NHSL1: variants seen among roughly 807,000 people sequenced by gnomAD.
NHSL1 encodes the protein NHS like 1.
NHSL1 carries 48 observed loss-of-function variants against 95.0 expected under a neutral mutation model. The ratio of observed to expected loss-of-function variants is 0.51; its 90% CI spans 0.40 to 0.64. NHSL1 has a LOEUF of 0.64. Ranked by LOEUF, NHSL1 falls within the 30% of genes least tolerant of loss-of-function variation. NHSL1 has a pLI of 0.00. For synonymous variants in NHSL1, 783 were observed against 833.9 expected, an observed-to-expected ratio of 0.94 and a Z score of 1.05; for missense variants, 1,971 against 2,077.7, an observed-to-expected ratio of 0.95 and a Z score of 1.00.
intron 1 of NHSL1, among the ~76,000 whole-genome samples, chr6:138,634,267 T>C (rs181486604): frequency 1.3e-5 from 2 of 151,198 alleles, no homozygotes; most frequent in East Asian, 1.9e-4. Context: ...CAGAGAGCAG[T>C]TGAATGGATA....
intron 5 of NHSL1, among the ~76,000 whole-genome samples, chr6:138,441,178 G>C (rs974218746): frequency 3.3e-5 from 5 of 152,196 alleles, no homozygotes; most frequent in African/African-American, 9.7e-5. Context: ...GTCACCCAGA[G>C]AGCAAGTGGC....
chr6:138,675,523 CATTATTTATTTATTTATTT>C (rs765748346), intron 1 of NHSL1, among the ~76,000 whole-genome samples: 5 of 151,960 alleles, frequency 3.3e-5, no homozygotes, highest in Non-Finnish European at 7.4e-5. Flanking sequence ...AAAATTCTTA[CATTATTTATTTATTTATTT>C]ATTTATTTTT....
At position 138,433,180 on chromosome 6, in the gene NHSL1, G is replaced by C; in HGVS notation, c.1165C>G (p.His389Asp). 6.4e-7 allele frequency: 1 copy of C among 1,551,188 alleles called. No homozygotes were observed. Among genetic ancestry groups the C allele is most frequent in the Non-Finnish European group, 8.7e-7 (1 of 1,146,664 alleles). ...LLRPKSQELRHFESENIMSPA... is the reference protein window; with the variant it reads ...LLRPKSQELRDFESENIMSPA... ...CTCATTATATTTTCACTCTCGAAGTGTCTCAACTCCTGGGATTTGGGTCTC... is the reference window on the plus strand; with the variant it reads ...CTCATTATATTTTCACTCTCGAAGTCTCTCAACTCCTGGGATTTGGGTCTC... Residue 389 changes from histidine to aspartate, a missense_variant, in exon 6 of 8, where the codon CAC becomes GAC. His to Asp is a moderately conservative substitution (Grantham distance 81). Around this residue, in one of 3 missense-constraint regions of NHSL1, gnomAD observed 1,602 missense variants for 1,654.5 expected, o/e 0.97. Transcript: ENST00000343505.
At position 138,431,420 on chromosome 6, in the gene NHSL1, C is replaced by A; in HGVS notation, c.2925G>T (p.Pro975=). Residue 975 remains proline (P), a synonymous_variant, in exon 6 of 8, where the codon CCG becomes CCT. Transcript: ENST00000343505. The surrounding 1 kb of genome is among the most constrained non-coding windows in gnomAD (Gnocchi z 4.0). The part of the protein sequence containing the change: ...LPHSPVFPPP[P]PEALIPFCSP... Reference sequence around the variant, plus strand: ...AGCAGAAAGGAATGAGAGCTTCTGGCGGCGGAGGGGGGAACACAGGAGAGT... The same window carrying A: ...AGCAGAAAGGAATGAGAGCTTCTGGAGGCGGAGGGGGGAACACAGGAGAGT... The A allele has an allele frequency of 1.3e-6, 2 of 1,547,604 alleles. No homozygotes were observed. Among genetic ancestry groups the A allele is most frequent in the Admixed American group, 2.0e-5 (1 of 50,662 alleles).
intron 1 of NHSL1, among the ~76,000 whole-genome samples, chr6:138,558,625 T>C (rs546345190): frequency 5.3e-5 from 8 of 151,922 alleles, no homozygotes; most frequent in African/African-American, 1.9e-4. Context: ...GGTTTCACCA[T>C]GTTCAGGACG....
upstream of NHSL1, among the ~76,000 whole-genome samples, chr6:138,550,559 G>C (rs1195561749): frequency 1.3e-5 from 2 of 152,198 alleles, no homozygotes; most frequent in Non-Finnish European, 1.5e-5. Flanking sequence ...ACAACATCCA[G>C]CATCATGTTA....
chr6:138,496,435 A>G, intron 1 of NHSL1, 64 bp from the exon 2 acceptor site: 2 of 1,496,960 alleles, frequency 1.3e-6, no homozygotes, highest in Non-Finnish European at 1.8e-6. Flanking sequence ...TCATTACATC[A>G]TGATGTGTTT....
chr6:138,639,895 T>C (rs1013387620), intron 1 of NHSL1, among the ~76,000 whole-genome samples: 1 of 151,372 alleles, frequency 6.6e-6, no homozygotes, highest in African/African-American at 2.4e-5. Context: ...GCTTTTTTTT[T>C]TTTTTTACAA....
chr6:138,665,646 A>C (rs531589985), intron 1 of NHSL1, among the ~76,000 whole-genome samples: 1 of 152,304 alleles, frequency 6.6e-6, no homozygotes, highest in South Asian at 2.1e-4. Flanking sequence ...CCAAATTATT[A>C]ATACTAATTC....
At chr6:138,527,345 G>A (rs1042863143) in intron 1 of NHSL1, among the ~76,000 whole-genome samples, 2 of 151,862 alleles carry the variant, frequency 1.3e-5, no homozygotes, top group Non-Finnish European at 2.9e-5. Context: ...TGCAGTCTGG[G>A]AATCTAAAAG....
intron 1 of NHSL1, among the ~76,000 whole-genome samples, chr6:138,517,660 A>G (rs1231783708): frequency 6.6e-6 from 1 of 152,228 alleles, no homozygotes; most frequent in Non-Finnish European, 1.5e-5. Context: ...AGAGATATTA[A>G]GGAGTTCTCA....
chr6:138,637,199 G>C (rs1245983928), intron 1 of NHSL1, among the ~76,000 whole-genome samples: 1 of 152,086 alleles, frequency 6.6e-6, no homozygotes, highest in East Asian at 1.9e-4. Context: ...TCCATAGGCA[G>C]AATAATGAAA....
intron 1 of NHSL1, among the ~76,000 whole-genome samples, chr6:138,522,674 G>A (rs1182667543): frequency 6.6e-6 from 1 of 152,174 alleles, no homozygotes; most frequent in East Asian, 1.9e-4. Flanking sequence ...TTACTCAGGT[G>A]TGGTGGCGCA....
chr6:138,495,810 C>T (rs186887994), intron 2 of NHSL1, among the ~76,000 whole-genome samples: 16 of 152,200 alleles, frequency 1.1e-4, no homozygotes, highest in Admixed American at 7.8e-4. Context: ...CTGGGGAGGC[C>T]GCACAATCAT....
chr6:138,682,659 C>T (rs1447425585), intron 1 of NHSL1, among the ~76,000 whole-genome samples: 1 of 88,412 alleles, frequency 1.1e-5, no homozygotes, highest in African/African-American at 5.7e-5. Context: ...GGATGAATGT[C>T]CTGCCGCCCT....
At chr6:138,499,531 G>C, upstream of NHSL1, 4 of 790,062 alleles carry the variant, frequency 5.1e-6, no homozygotes, top group South Asian at 9.8e-5. Context: ...TTAAGGCTGA[G>C]AGCAGCCAGT....
intron 1 of NHSL1, among the ~76,000 whole-genome samples, chr6:138,684,361 G>A (rs115413571): frequency 3.9e-4 from 60 of 152,142 alleles, no homozygotes; most frequent in African/African-American, 1.4e-3. Context: ...AAAAAAGGGG[G>A]AGGCCTGTGG....
chr6:138,571,822 G>A (rs138392310), exon 1 of NHSL1: 1 of 1,552,120 alleles, frequency 6.4e-7, no homozygotes, highest in African/African-American at 1.4e-5. Context: ...GCCTGGACAA[G>A]GAGGAGAAAT....
chr6:138,523,321 T>C (rs917715886), intron 1 of NHSL1, among the ~76,000 whole-genome samples: 1 of 152,110 alleles, frequency 6.6e-6, no homozygotes, highest in African/African-American at 2.4e-5. Flanking sequence ...TATTTTATTA[T>C]GTTTTAGAAA....
Sources: gnomAD v4.1 joint callset for allele counts (sites outside exome capture counted in the v4.1 genomes callset) on GRCh38, gnomAD v4.1.1 for gene constraint, gnomAD v4.1.1 regional missense constraint, Gnocchi (gnomAD v3.1) non-coding constraint, MANE v1.5 for transcripts, NCBI Gene and HGNC (gene_info 2026-07-23, HGNC 2026-07-21) for gene names.